Variants in KIF6 observed in about 807,000 individuals in gnomAD.
The protein encoded by KIF6 is kinesin-like protein KIF6.
Under a neutral mutation model 112.7 loss-of-function variants are expected in KIF6, and 106 were observed. The ratio of observed to expected loss-of-function variants is 0.94; its 90% CI spans 0.80 to 1.11. The LOEUF is 1.11. Among genes scored for constraint, KIF6 ranks in the 50% least tolerant of loss-of-function variants. KIF6 has a pLI of 0.00. For synonymous variants in KIF6, 339 were observed against 339.9 expected, an observed-to-expected ratio of 1.00 and a Z score of 0.03; for missense variants, 929 against 964.0, an observed-to-expected ratio of 0.96 and a Z score of 0.48.
chr6:39,491,379 A>G (rs191631028), intron 13 of KIF6, among the ~76,000 whole-genome samples: 78 of 152,300 alleles, frequency 5.1e-4, no homozygotes, highest in Middle Eastern at 3.4e-3. Flanking sequence ...TTCCAGGTCC[A>G]GCCACCATTG....
chr6:39,425,268 C>T (rs140145204), intron 14 of KIF6, among the ~76,000 whole-genome samples: 2 of 152,312 alleles, frequency 1.3e-5, no homozygotes, highest in African/African-American at 2.4e-5. Flanking sequence ...TTGTCTAGAA[C>T]AACTAACTTA....
intron 13 of KIF6, among the ~76,000 whole-genome samples, chr6:39,510,152 G>T (rs541931509): frequency 6.7e-6 from 1 of 150,312 alleles, no homozygotes; most frequent in South Asian, 2.1e-4. Flanking sequence ...GGAGTGCAGC[G>T]GCATGATCTT....
intron 3 of KIF6, among the ~76,000 whole-genome samples, chr6:39,696,247 A>C (rs940910992): frequency 1.3e-5 from 2 of 152,202 alleles, no homozygotes; most frequent in Admixed American, 1.3e-4. Context: ...AGAACCACGT[A>C]ATATACCCAT....
intron 19 of KIF6, 54 bp from the exon 20 acceptor site, chr6:39,346,580 A>G (rs1763826919): frequency 1.5e-6 from 1 of 665,748 alleles, no homozygotes; most frequent in Non-Finnish European, 2.7e-6. Context: ...GTATTTTGTT[A>G]TAGCAGCCTG....
At position 39,374,495 on chromosome 6, in the gene KIF6, C is replaced by A. The variant is rs115633417; in HGVS notation, c.1861+11127G>T. ...ATACATCTGATAAAGGGTTTATATT[C>A]AAAATATATAATGGACTCAAGCAAC... On this transcript the variant is annotated intron_variant, in intron 16 of 22. Transcript: ENST00000287152. Among the ~76,000 whole-genome samples, 697 of 152,118 alleles carry A rather than the reference C, an allele frequency of 4.6e-3. 6 individuals are homozygous for A. The highest frequency in any genetic ancestry group is 0.016 in the African/African-American group (653 of 41,498).
intron 3 of KIF6, among the ~76,000 whole-genome samples, chr6:39,641,329 T>A (rs1784886490): frequency 6.6e-6 from 1 of 151,956 alleles, no homozygotes; most frequent in African/African-American, 2.4e-5. Context: ...AATTGATGAG[T>A]TCATGTCCTT....
intron 13 of KIF6, among the ~76,000 whole-genome samples, chr6:39,474,892 T>C (rs1185874285): frequency 6.6e-6 from 1 of 151,690 alleles, no homozygotes; most frequent in Non-Finnish European, 1.5e-5. Context: ...TCCAGACATA[T>C]TGATTACTCA....
In KIF6 at chr6:39,343,496, C is replaced by T. The variant is rs1287542251; in HGVS notation, c.2428+213G>A. The stretch of plus-strand genomic sequence containing the variant: ...GACAGGAGCACCTGGGCCGCCCACC[C>T]ACTTGGGCCTGTCTTGGTGTTTCTG... On this transcript the variant is annotated intron_variant, in intron 22 of 22. Transcript: ENST00000287152. The surrounding 1 kb of genome is among the most constrained non-coding windows in gnomAD (Gnocchi z 4.1). 2.0e-6 allele frequency: 3 copies of T among 1,495,378 alleles called. No homozygotes were observed. The highest frequency in any genetic ancestry group is 4.0e-5 in the Admixed American group (2 of 49,580). 92.6% of individuals were successfully genotyped at this position (1,495,378 alleles called of 1,614,324 possible). A position where few individuals can be genotyped will look rare whatever the true frequency, so the allele number is the denominator to read the frequency against.
intron 6 of KIF6, 130 bp downstream of exon 6, chr6:39,613,058 GT>G: frequency 1.6e-6 from 1 of 644,034 alleles, no homozygotes; most frequent in Non-Finnish European, 2.3e-6. Flanking sequence ...TGCATGTGAG[GT>G]TTGGACGAGA....
chr6:39,469,786 A>C (rs1431077021), intron 13 of KIF6, among the ~76,000 whole-genome samples: 1 of 152,238 alleles, frequency 6.6e-6, no homozygotes, highest in African/African-American at 2.4e-5. Flanking sequence ...AACAACTAAC[A>C]ACAGAGTTCC....
intron 13 of KIF6, among the ~76,000 whole-genome samples, chr6:39,461,290 G>A (rs563067677): frequency 1.3e-5 from 2 of 152,172 alleles, no homozygotes; most frequent in African/African-American, 2.4e-5. Flanking sequence ...ATAGACCTAC[G>A]AGAGGAGAAG....
At chr6:39,346,106 C>T (rs867235248) in intron 20 of KIF6, among the ~76,000 whole-genome samples, 766 of 31,506 alleles carry the variant, frequency 0.024, 63 homozygotes, top group Non-Finnish European at 0.031. Context: ...TCCCTCCCCC[C>T]CTCCCTCTCC....
chr6:39,687,263 G>A (rs577221885), intron 3 of KIF6, among the ~76,000 whole-genome samples: 1 of 152,286 alleles, frequency 6.6e-6, no homozygotes, highest in Non-Finnish European at 1.5e-5. Context: ...ACAAAATGAC[G>A]ACTACATCAG....
At chr6:39,510,872 C>CGAAAAA (rs1776741593) in intron 13 of KIF6, among the ~76,000 whole-genome samples, 2 of 23,858 alleles carry the variant, frequency 8.4e-5, no homozygotes, top group African/African-American at 1.6e-4. Context: ...AAATGGGAAG[C>CGAAAAA]AAAAAAAAAA....
At chr6:39,695,433 T>C (rs1238080290) in intron 3 of KIF6, among the ~76,000 whole-genome samples, 1 of 152,136 alleles carries the variant, frequency 6.6e-6, no homozygotes, top group African/African-American at 2.4e-5. Flanking sequence ...ATATCCAGAA[T>C]CTATAAGGAA....
At chr6:39,595,981 A>T in intron 7 of KIF6, 73 bp downstream of exon 7, 1 of 1,166,204 alleles carries the variant, frequency 8.6e-7, no homozygotes, top group Non-Finnish European at 1.2e-6. Context: ...TTCTAATAGA[A>T]TGCCTGATAC....
intron 10 of KIF6, among the ~76,000 whole-genome samples, chr6:39,547,196 C>A (rs917584087): frequency 6.6e-6 from 1 of 152,290 alleles, no homozygotes; most frequent in Admixed American, 6.5e-5. Context: ...ACTATCAGCC[C>A]ACCCAGATAA....
intron 16 of KIF6, among the ~76,000 whole-genome samples, chr6:39,367,508 C>T (rs1177188365): frequency 1.3e-5 from 2 of 152,208 alleles, no homozygotes; most frequent in African/African-American, 4.8e-5. Flanking sequence ...AAGGGTTTCA[C>T]TCAGTGGCTG....
At chr6:39,339,675 A>G (rs1763213327) in intron 22 of KIF6, among the ~76,000 whole-genome samples, 1 of 151,768 alleles carries the variant, frequency 6.6e-6, no homozygotes, top group Admixed American at 6.6e-5. Flanking sequence ...CAGACATAAA[A>G]ACTGTCCTTG....
Sources: allele counts gnomAD v4.1 joint callset (sites outside exome capture counted in the v4.1 genomes callset), GRCh38; gene constraint gnomAD v4.1.1; non-coding constraint Gnocchi (gnomAD v3.1); transcripts MANE v1.5; gene names NCBI Gene and HGNC (gene_info 2026-07-23, HGNC 2026-07-21).